Variants in C6 observed in about 807,000 individuals in gnomAD.
C6 encodes complement component C6.
Under a neutral mutation model 112.9 loss-of-function variants are expected in C6, and 101 were observed. The ratio of observed to expected loss-of-function variants is 0.89; its 90% CI spans 0.76 to 1.06. The LOEUF is 1.06. C6 is among the 50% of genes least tolerant of loss of function. C6 has a pLI of 0.00. For synonymous variants in C6, 431 were observed against 384.1 expected (o/e 1.12, Z -1.43); for missense variants, 1,202 against 1,104.6 (o/e 1.09, Z -1.25).
intron 8 of C6, among the ~76,000 whole-genome samples, chr5:41,173,122 A>G (rs537285710): frequency 6.6e-6 from 1 of 152,196 alleles, no homozygotes; most frequent in South Asian, 2.1e-4. Context: ...CACCCCATTC[A>G]TGTATGGGAA....
At chr5:41,170,552 A>G (rs1748341928) in intron 9 of C6, among the ~76,000 whole-genome samples, 1 of 152,058 alleles carries the variant, frequency 6.6e-6, no homozygotes, top group Admixed American at 6.6e-5. Context: ...TTTGCTTTGC[A>G]TGCTATATGC....
intron 5 of C6, 140 bp downstream of exon 5, chr5:41,195,652 T>TAGCTAAGTATCAGAGATACTACC: frequency 1.1e-6 from 1 of 897,966 alleles, no homozygotes; most frequent in Non-Finnish European, 1.8e-6. Context: ...CTGAACATGG[T>TAGCTAAGTATCAGAGATACTACC]AGCTAAGTAT....
chr5:41,244,665 T>C (rs1740915773), intron 1 of C6, among the ~76,000 whole-genome samples: 1 of 152,212 alleles, frequency 6.6e-6, no homozygotes, highest in South Asian at 2.1e-4. Flanking sequence ...TGTTCTTAGA[T>C]GTCCCCAGGG....
intron 1 of C6, among the ~76,000 whole-genome samples, chr5:41,242,757 T>A (rs1053250995): frequency 5.3e-5 from 8 of 151,972 alleles, no homozygotes; most frequent in African/African-American, 1.9e-4. Flanking sequence ...GAATGGTACG[T>A]CAACAGATGA....
intron 5 of C6, among the ~76,000 whole-genome samples, chr5:41,189,079 C>T (rs1750000452): frequency 6.6e-6 from 1 of 151,946 alleles, no homozygotes; most frequent in South Asian, 2.1e-4. Context: ...CGATGAGATA[C>T]CAGTTCATAG....
At chr5:41,195,620 G>A (rs771663776) in intron 5 of C6, among the ~76,000 whole-genome samples, 172 bp downstream of exon 5, 1 of 152,210 alleles carries the variant, frequency 6.6e-6, no homozygotes, top group Non-Finnish European at 1.5e-5. Context: ...TCTCAGGAGT[G>A]AGGATCATGG....
chr5:41,195,613 C>T (rs1447016096), intron 5 of C6, among the ~76,000 whole-genome samples, 179 bp downstream of exon 5: 1 of 152,184 alleles, frequency 6.6e-6, no homozygotes, highest in Non-Finnish European at 1.5e-5. Context: ...TTTTACTTCT[C>T]AGGAGTGAGG....
chr5:41,156,867 A>T (rs1746961514), intron 13 of C6, among the ~76,000 whole-genome samples: 1 of 152,308 alleles, frequency 6.6e-6, no homozygotes, highest in Non-Finnish European at 1.5e-5. Context: ...ATGAATCTGT[A>T]ACATATAAGT....
At chr5:41,177,697 C>G (rs1055226800) in intron 7 of C6, among the ~76,000 whole-genome samples, 1 of 152,110 alleles carries the variant, frequency 6.6e-6, no homozygotes, top group Non-Finnish European at 1.5e-5. Flanking sequence ...GAAAAAGAAT[C>G]AGCATTAATC....
At chr5:41,192,059 T>TA (rs1750259439) in intron 5 of C6, among the ~76,000 whole-genome samples, 1 of 152,168 alleles carries the variant, frequency 6.6e-6, no homozygotes, top group South Asian at 2.1e-4. Context: ...ATACAGCCTT[T>TA]ATTGTGTTAA....
In C6 at chr5:41,256,130, A is replaced by C. The variant is rs1208451378; in HGVS notation, c.-21+5064T>G. The stretch of plus-strand genomic sequence containing the variant: ...AAAGGACATGAACTCATCATTTTTT[A>C]TGGCTGCATAGTATTCCATGGTGTA... On this transcript the variant is annotated intron_variant, in intron 1 of 17. Transcript: ENST00000263413. 2.0e-5 allele frequency among the ~76,000 whole-genome samples: 3 copies of C among 152,056 alleles called. No homozygotes were observed. The East Asian group carries it at 5.8e-4, about 29-fold the overall frequency.
At chr5:41,256,151 G>A (rs1477162209) in intron 1 of C6, among the ~76,000 whole-genome samples, 1 of 152,024 alleles carries the variant, frequency 6.6e-6, no homozygotes, top group African/African-American at 2.4e-5. Flanking sequence ...GTATTCCATG[G>A]TGTATATGTG....
At chr5:41,147,503 A>G (rs1206016668) in intron 17 of C6, among the ~76,000 whole-genome samples, 1 of 152,148 alleles carries the variant, frequency 6.6e-6, no homozygotes, top group Non-Finnish European at 1.5e-5. Flanking sequence ...CCTTAAGTGG[A>G]TCGGAAAAGA....
chr5:41,241,292 G>A (rs180964958), intron 1 of C6, among the ~76,000 whole-genome samples: 34 of 152,312 alleles, frequency 2.2e-4, no homozygotes, highest in African/African-American at 8.2e-4. Flanking sequence ...CTCTCTGGCA[G>A]TGATAACAGC....
chr5:41,240,586 G>C (rs532257706), intron 1 of C6, among the ~76,000 whole-genome samples: 19 of 152,336 alleles, frequency 1.2e-4, no homozygotes, highest in African/African-American at 4.1e-4. Context: ...TGCTGATGTT[G>C]GTGGTGGCAG....
At chr5:41,143,503 T>C (rs1283452392) in intron 17 of C6, among the ~76,000 whole-genome samples, 1 of 152,242 alleles carries the variant, frequency 6.6e-6, no homozygotes, top group Non-Finnish European at 1.5e-5. Flanking sequence ...TTCATCGTTA[T>C]CATTTGTAGA....
intron 17 of C6, among the ~76,000 whole-genome samples, chr5:41,148,441 T>A (rs552929685): frequency 3.3e-5 from 5 of 152,314 alleles, no homozygotes; most frequent in African/African-American, 1.2e-4. Flanking sequence ...GGGGCCAATT[T>A]TTTTATGGGG....
intron 2 of C6, among the ~76,000 whole-genome samples, chr5:41,202,192 CA>C (rs1751082162): frequency 6.6e-6 from 1 of 152,084 alleles, no homozygotes; most frequent in Non-Finnish European, 1.5e-5. Context: ...CTGAATAATT[CA>C]CGTGAATTCT....
At chr5:41,176,379 A>G in intron 8 of C6, 96 bp downstream of exon 8, 1 of 1,254,970 alleles carries the variant, frequency 8.0e-7, no homozygotes, top group South Asian at 1.3e-5. Context: ...GGATCTAAAT[A>G]AAGTCAAAGC....
Sources: gnomAD v4.1 joint callset for allele counts (sites outside exome capture counted in the v4.1 genomes callset) on GRCh38, gnomAD v4.1.1 for gene constraint, MANE v1.5 for transcripts, NCBI Gene and HGNC (gene_info 2026-07-23, HGNC 2026-07-21) for gene names.